KLHL3: variants seen among roughly 807,000 people sequenced by gnomAD.
The protein encoded by KLHL3 is kelch-like protein 3.
Under a neutral mutation model 70.5 loss-of-function variants are expected in KLHL3, and 19 were observed. That is an observed-to-expected ratio of 0.27 (90% CI 0.19 to 0.40). The LOEUF is 0.40. KLHL3 is among the 10% of genes least tolerant of loss of function. The probability of loss-of-function intolerance (pLI) is 1.00; values close to 1 mark genes in which losing one functional copy is unlikely to be tolerated. For missense variants in KLHL3, 512 were observed against 771.1 expected (o/e 0.66, Z 3.98); for synonymous variants, 258 against 290.3 (o/e 0.89, Z 1.13).
chr5:137,674,561 T>C (rs1751840457), intron 6 of KLHL3, among the ~76,000 whole-genome samples: 1 of 152,228 alleles, frequency 6.6e-6, no homozygotes, highest in Non-Finnish European at 1.5e-5. Context: ...CTGGCTTCAT[T>C]TTATAATATA....
chr5:137,667,715 T>G (rs1751646617), intron 6 of KLHL3, among the ~76,000 whole-genome samples: 1 of 152,284 alleles, frequency 6.6e-6, no homozygotes, highest in Non-Finnish European at 1.5e-5. Flanking sequence ...GGCAGGGCAC[T>G]GACTTGGCAA....
At chr5:137,657,221 C>A (rs1359180298) in intron 8 of KLHL3, among the ~76,000 whole-genome samples, 2 of 152,188 alleles carry the variant, frequency 1.3e-5, no homozygotes, top group African/African-American at 2.4e-5. Context: ...TGGCAGCCAG[C>A]TGGAAAGAGG....
intron 1 of KLHL3, among the ~76,000 whole-genome samples, chr5:137,735,421 T>G (rs1753245470): frequency 6.6e-6 from 1 of 152,228 alleles, no homozygotes; most frequent in East Asian, 1.9e-4. Flanking sequence ...GACCTGCCTT[T>G]GCGGAAGCCA....
At chr5:137,719,975 C>G (rs1752966343) in intron 2 of KLHL3, among the ~76,000 whole-genome samples, 2 of 152,124 alleles carry the variant, frequency 1.3e-5, no homozygotes, top group South Asian at 4.1e-4. Flanking sequence ...AGACAGTTTT[C>G]TGGCAAAGTC....
At chr5:137,648,589 C>T (rs1005591467) in intron 8 of KLHL3, among the ~76,000 whole-genome samples, 1 of 152,176 alleles carries the variant, frequency 6.6e-6, no homozygotes, top group African/African-American at 2.4e-5. Context: ...AAGTGCTGGG[C>T]GGTGAATGTG....
chr5:137,735,663 A>AGG lies in KLHL3; in HGVS notation c.-19_-18dup. ...ACCCTCCATTGTGTGAGGCCCAGCC[A>AGG]GGGTGGTAGCTGCTGAACTGTGTAT... On this transcript the variant is annotated 5_prime_UTR_variant, in exon 1 of 15. Transcript: ENST00000309755. 2 of 1,614,128 alleles carry AGG rather than the reference A, an allele frequency of 1.2e-6. No individual in the cohort carries two copies. The highest frequency in any genetic ancestry group is 1.7e-6 in the Non-Finnish European group (2 of 1,179,934).
intron 6 of KLHL3, among the ~76,000 whole-genome samples, chr5:137,667,406 C>A (rs1299953583): frequency 6.6e-6 from 1 of 152,242 alleles, no homozygotes; most frequent in East Asian, 1.9e-4. Context: ...AAGAAATAGC[C>A]CCATTTCCTC....
chr5:137,700,311 C>T (rs1481658884), intron 3 of KLHL3, among the ~76,000 whole-genome samples: 2 of 152,152 alleles, frequency 1.3e-5, no homozygotes, highest in African/African-American at 2.4e-5. Flanking sequence ...AAAAGATAAT[C>T]AAAGATAGCC....
intron 14 of KLHL3, among the ~76,000 whole-genome samples, chr5:137,624,646 G>A (rs746613161): frequency 6.6e-6 from 1 of 152,180 alleles, no homozygotes; most frequent in Non-Finnish European, 1.5e-5. Context: ...AATGGGAATC[G>A]GAAGAATATT....
chr5:137,661,286 A>G (rs1407270117), intron 7 of KLHL3: 1 of 152,188 alleles, frequency 6.6e-6, no homozygotes, highest in African/African-American at 2.4e-5. Flanking sequence ...TAAAAAAAGG[A>G]GTTACAATCT....
chr5:137,731,265 T>C (rs1279525608), intron 1 of KLHL3, among the ~76,000 whole-genome samples: 2 of 152,190 alleles, frequency 1.3e-5, no homozygotes, highest in East Asian at 1.9e-4. Context: ...ATGGAAAAAT[T>C]TGGTTTCAAT....
intron 11 of KLHL3, 41 bp downstream of exon 11, chr5:137,637,253 G>C (rs768783009): frequency 1.3e-6 from 2 of 1,551,496 alleles, no homozygotes; most frequent in South Asian, 2.2e-5. Context: ...AAGGCCCGTG[G>C]GCCAGGTAGG....
At chr5:137,625,205 T>C (rs907416729) in intron 14 of KLHL3, among the ~76,000 whole-genome samples, 2 of 152,274 alleles carry the variant, frequency 1.3e-5, no homozygotes, top group Non-Finnish European at 2.9e-5. Flanking sequence ...ATTTGTGTGA[T>C]TGTGATCCAC....
At chr5:137,728,778 G>A (rs1462270754) in intron 1 of KLHL3, among the ~76,000 whole-genome samples, 1 of 152,028 alleles carries the variant, frequency 6.6e-6, no homozygotes, top group African/African-American at 2.4e-5. Context: ...TCCAAGTGAT[G>A]AGAACTCACG....
intron 6 of KLHL3, among the ~76,000 whole-genome samples, chr5:137,662,671 T>G (rs1751511476): frequency 6.6e-6 from 1 of 152,294 alleles, no homozygotes; most frequent in East Asian, 1.9e-4. Context: ...TTCACTCTAC[T>G]CAAGGATAAG....
chr5:137,648,216 C>A (rs1284868845), intron 8 of KLHL3, among the ~76,000 whole-genome samples: 3 of 152,046 alleles, frequency 2.0e-5, no homozygotes, highest in Non-Finnish European at 4.4e-5. Flanking sequence ...AGGGTGTGGA[C>A]CAAGGTGGAA....
intron 6 of KLHL3, among the ~76,000 whole-genome samples, chr5:137,669,459 C>T (rs1751696231): frequency 6.7e-6 from 1 of 149,900 alleles, no homozygotes; most frequent in Non-Finnish European, 1.5e-5. Flanking sequence ...TGCCAGATAT[C>T]TGACTTCAGA....
intron 2 of KLHL3, among the ~76,000 whole-genome samples, chr5:137,715,784 T>C (rs1228755686): frequency 6.6e-6 from 1 of 152,202 alleles, no homozygotes; most frequent in African/African-American, 2.4e-5. Flanking sequence ...TTCTCTTCTA[T>C]ACAAATAATC....
intron 6 of KLHL3, among the ~76,000 whole-genome samples, chr5:137,669,984 C>T (rs2040694): frequency 0.39 from 58,654 of 151,904 alleles, 12,324 homozygotes; most frequent in East Asian, 0.89. Flanking sequence ...ACAGATTTGC[C>T]CCAGCTGTAA....
Sources: gnomAD v4.1 joint callset for allele counts (sites outside exome capture counted in the v4.1 genomes callset) on GRCh38, gnomAD v4.1.1 for gene constraint, MANE v1.5 for transcripts, NCBI Gene and HGNC (gene_info 2026-07-23, HGNC 2026-07-21) for gene names.